Variants in LARP1B observed in about 807,000 individuals in gnomAD.
LARP1B encodes the protein la-related protein 1B.
LARP1B carries 76 observed loss-of-function variants against 114.2 expected under a neutral mutation model. The ratio of observed to expected loss-of-function variants is 0.67; its 90% CI spans 0.55 to 0.81. The LOEUF (loss-of-function observed/expected upper bound fraction) is 0.81, where lower values mean the gene tolerates loss of function less well. Among genes scored for constraint, LARP1B ranks in the 30% least tolerant of loss-of-function variants. The pLI is 0.00. For missense variants in LARP1B, 1,014 were observed against 1,075.8 expected, an observed-to-expected ratio of 0.94 and a Z score of 0.80; for synonymous variants, 345 against 348.0, an observed-to-expected ratio of 0.99 and a Z score of 0.10.
chr4:128,064,290 A>AAAAAG (rs1761579929), intron 1 of LARP1B, among the ~76,000 whole-genome samples: 2 of 151,216 alleles, frequency 1.3e-5, no homozygotes, highest in South Asian at 4.2e-4. Flanking sequence ...AAAAAAAAAA[A>AAAAAG]GTACGGTGAT....
intron 12 of LARP1B, among the ~76,000 whole-genome samples, chr4:128,163,096 T>C (rs1017160188): frequency 6.6e-6 from 1 of 151,514 alleles, no homozygotes; most frequent in Non-Finnish European, 1.5e-5. Flanking sequence ...CATTCATCAC[T>C]TTTTTTTTCC....
At chr4:128,163,929 A>C (rs2150459749) in intron 12 of LARP1B, among the ~76,000 whole-genome samples, 1 of 152,290 alleles carries the variant, frequency 6.6e-6, no homozygotes, top group Middle Eastern at 3.4e-3. Flanking sequence ...GAGCTTTGTC[A>C]GTACCGGATC....
intron 9 of LARP1B, chr4:128,108,780 G>C: frequency 1.0e-6 from 1 of 985,114 alleles, no homozygotes; most frequent in Non-Finnish European, 1.2e-6. Flanking sequence ...ACAAGGCATT[G>C]GGTAAGTTAG....
rs192645531 is a variant in LARP1B, at chr4:128,173,227, G to A, written c.1649-3645G>A. 2.9e-3 allele frequency among the ~76,000 whole-genome samples: 440 copies of A among 152,104 alleles called. 2 individuals carry two copies. Among genetic ancestry groups the A allele is most frequent in the Non-Finnish European group, 4.9e-3 (335 of 67,986 alleles). Reference sequence around the variant, plus strand: ...CCATTGGCTGAAACTAGCCTGCCACGGGCCAATGTGATAACGCTGGTCATT... The same window carrying A: ...CCATTGGCTGAAACTAGCCTGCCACAGGCCAATGTGATAACGCTGGTCATT... On this transcript the variant is annotated intron_variant, in intron 12 of 19. Transcript: ENST00000326639.
At chr4:128,083,478 G>A (rs1439260017) in intron 5 of LARP1B, among the ~76,000 whole-genome samples, 1 of 148,720 alleles carries the variant, frequency 6.7e-6, no homozygotes, top group Non-Finnish European at 1.5e-5. Context: ...CGGACGGAGA[G>A]GCTGGCCAGG....
Position 128,199,446 on chromosome 4 carries a change from A to G in LARP1B, c.2011A>G (p.Asn671Asp), listed in dbSNP as rs1175486873. 6.6e-7 allele frequency: 1 copy of G among 1,515,212 alleles called. No individual in the cohort carries two copies. The highest frequency in any genetic ancestry group is 2.4e-5 in the East Asian group (1 of 41,138). The allele number at this position is 1,515,212 out of a possible 1,614,324, so 93.9% of individuals were successfully genotyped here. Residue 671 changes from asparagine (N) to aspartate (D), a missense_variant, in exon 16 of 20, where the codon AAT (asparagine) becomes GAT (aspartate). Asn to Asp is a conservative substitution (Grantham distance 23). Transcript: ENST00000326639. ...TTCCCCTTTCTCAAACAGCACTTCA[A>G]ATGCTTCACCTTCAGAAGGCGCACC... is the stretch of plus-strand genomic sequence containing the variant. ...GPGTSSVSTS[N>D]ASPSEGAPLA...
chr4:128,136,196 G>A (rs1461812939), intron 11 of LARP1B, among the ~76,000 whole-genome samples: 1 of 151,984 alleles, frequency 6.6e-6, no homozygotes, highest in East Asian at 1.9e-4. Flanking sequence ...GGGAGGCTGA[G>A]GTAGGAGAAT....
intron 1 of LARP1B, among the ~76,000 whole-genome samples, chr4:128,065,883 A>G (rs1032395629): frequency 2.0e-5 from 3 of 152,142 alleles, no homozygotes; most frequent in African/African-American, 4.8e-5. Context: ...TGGTGAGATC[A>G]TAGCTCACTG....
intron 4 of LARP1B, among the ~76,000 whole-genome samples, chr4:128,081,652 T>A (rs1057354150): frequency 3.3e-5 from 5 of 152,096 alleles, no homozygotes; most frequent in Non-Finnish European, 2.9e-5. Flanking sequence ...TTTACAAGGT[T>A]TTTTCCTAGT....
chr4:128,075,044 T>C (rs1579862940), intron 3 of LARP1B, 51 bp downstream of exon 3: 1 of 1,133,410 alleles, frequency 8.8e-7, no homozygotes, highest in East Asian at 2.3e-5. Context: ...AATGTATTCA[T>C]TTCGACATGC....
At position 128,208,790 on chromosome 4, in the gene LARP1B, A is replaced by T. The variant is rs569610688; in HGVS notation, c.2548-1066A>T. On this transcript the variant is annotated intron_variant, in intron 19 of 19. Coordinates refer to ENST00000326639, the MANE Select transcript of LARP1B (RefSeq NM_018078.4). ...TCACTGGGTACTTAAACGTTTGAAGATGTTTAAATTTGGTGCCATCAATAA... is the reference window on the plus strand; with the variant it reads ...TCACTGGGTACTTAAACGTTTGAAGTTGTTTAAATTTGGTGCCATCAATAA... Among the ~76,000 whole-genome samples, 112 of 152,210 alleles carry T rather than the reference A, an allele frequency of 7.4e-4. 1 individual carries two copies. The highest frequency in any genetic ancestry group is 1.2e-3 in the Non-Finnish European group (79 of 68,036).
At chr4:128,181,380 G>A (rs1461089497) in intron 15 of LARP1B, among the ~76,000 whole-genome samples, 1 of 151,866 alleles carries the variant, frequency 6.6e-6, no homozygotes, top group Non-Finnish European at 1.5e-5. Context: ...GTTTCACCAG[G>A]TTGGCCAGGC....
At chr4:128,065,869 G>A (rs1762589335) in intron 1 of LARP1B, among the ~76,000 whole-genome samples, 1 of 152,072 alleles carries the variant, frequency 6.6e-6, no homozygotes, top group African/African-American at 2.4e-5. Context: ...TTGCTCTATT[G>A]CAGTGGTGAG....
chr4:128,126,953 C>T (rs958954253), intron 11 of LARP1B, among the ~76,000 whole-genome samples: 3 of 151,408 alleles, frequency 2.0e-5, no homozygotes, highest in South Asian at 2.1e-4. Flanking sequence ...GCAATTAGGA[C>T]CTCTACAGAA....
At chr4:128,139,650 A>G (rs928109082) in intron 11 of LARP1B, among the ~76,000 whole-genome samples, 2 of 151,058 alleles carry the variant, frequency 1.3e-5, no homozygotes, top group Non-Finnish European at 3.0e-5. Flanking sequence ...ACAGAGTGAG[A>G]CTGTCACACA....
intron 10 of LARP1B, among the ~76,000 whole-genome samples, chr4:128,120,773 CTGTTT>C (rs1291681968): frequency 7.2e-6 from 1 of 138,872 alleles, no homozygotes; most frequent in Non-Finnish European, 1.5e-5. Context: ...CCTGGCCTAG[CTGTTT>C]TAAGTTCTAT....
chr4:128,154,402 C>T (rs899968745), intron 11 of LARP1B, among the ~76,000 whole-genome samples: 3 of 152,062 alleles, frequency 2.0e-5, no homozygotes, highest in Non-Finnish European at 4.4e-5. Context: ...CTCTGTTTTT[C>T]TTAATTCTAT....
At chr4:128,129,853 G>C (rs1039512940) in intron 11 of LARP1B, among the ~76,000 whole-genome samples, 2 of 151,948 alleles carry the variant, frequency 1.3e-5, no homozygotes, top group Admixed American at 1.3e-4. Context: ...TCACCCTTCA[G>C]AAAAATTAAA....
At chr4:128,191,605 C>T (rs1752311935) in intron 15 of LARP1B, among the ~76,000 whole-genome samples, 1 of 152,088 alleles carries the variant, frequency 6.6e-6, no homozygotes, top group Non-Finnish European at 1.5e-5. Context: ...GGTTTGTACC[C>T]AGAAAACTCA....
Sources: gnomAD v4.1 joint callset for allele counts (sites outside exome capture counted in the v4.1 genomes callset) on GRCh38, gnomAD v4.1.1 for gene constraint, MANE v1.5 for transcripts, NCBI Gene and HGNC (gene_info 2026-07-23, HGNC 2026-07-21) for gene names.